Variants in SYNE2 observed in about 807,000 individuals in gnomAD.
The protein encoded by SYNE2 is nesprin-2.
SYNE2 carries 431 observed loss-of-function variants against 856.3 expected under a neutral mutation model. That is an observed-to-expected ratio of 0.50 (90% CI 0.47 to 0.55). SYNE2 has a LOEUF of 0.55. SYNE2 is among the 20% of genes least tolerant of loss of function. The pLI, the probability that SYNE2 is intolerant of heterozygous loss-of-function variation, is 0.00. For missense variants in SYNE2, 8,129 were observed against 8,023.2 expected (o/e 1.01, Z -0.50); for synonymous variants, 2,923 against 2,872.3 (o/e 1.02, Z -0.56).
intron 1 of SYNE2, among the ~76,000 whole-genome samples, chr14:63,892,186 C>A (rs771711024): frequency 1.6e-4 from 24 of 151,332 alleles, no homozygotes; most frequent in Admixed American, 2.7e-4. Flanking sequence ...TAAAAATGCT[C>A]GTGCAGTTAT....
intron 6 of SYNE2, among the ~76,000 whole-genome samples, chr14:63,946,776 C>A (rs1311185299): frequency 1.3e-5 from 2 of 151,388 alleles, no homozygotes; most frequent in African/African-American, 2.4e-5. Flanking sequence ...CTTTTTCAAT[C>A]TTTTAATGAA....
intron 1 of SYNE2, among the ~76,000 whole-genome samples, chr14:63,907,581 T>G (rs1189441814): frequency 6.6e-6 from 1 of 151,868 alleles, no homozygotes; most frequent in African/African-American, 2.4e-5. Context: ...ATTGCTATTA[T>G]CCTTTTTTTT....
chr14:64,132,573 C>A (rs2098033461), intron 77 of SYNE2, 135 bp downstream of exon 77: 2 of 1,208,902 alleles, frequency 1.7e-6, no homozygotes, highest in Non-Finnish European at 2.4e-6. Context: ...GGAATGTGGA[C>A]CCCTGCTCAG....
intron 38 of SYNE2, chr14:64,023,787 T>A (rs2096956104): frequency 4.5e-6 from 1 of 221,420 alleles, no homozygotes; most frequent in South Asian, 7.4e-5. Flanking sequence ...GCTTTGATGG[T>A]ACCATTCTTT....
intron 2 of SYNE2, 139 bp from the exon 3 acceptor site, chr14:63,940,475 G>A: frequency 1.3e-6 from 1 of 782,332 alleles, no homozygotes; most frequent in Non-Finnish European, 2.2e-6. Flanking sequence ...AACATCTACA[G>A]TTTAGACTAA....
At chr14:63,979,897 C>T (rs1223277173) in intron 14 of SYNE2, among the ~76,000 whole-genome samples, 3 of 151,580 alleles carry the variant, frequency 2.0e-5, no homozygotes, top group Admixed American at 6.6e-5. Context: ...CAGAGCAAGA[C>T]TTTGTCTTAA....
intron 1 of SYNE2, among the ~76,000 whole-genome samples, chr14:63,816,807 C>G (rs1419665908): frequency 6.6e-6 from 1 of 151,950 alleles, no homozygotes; most frequent in African/African-American, 2.4e-5. Flanking sequence ...GCCGTGAACT[C>G]CTGAGCTCAA....
chr14:64,191,594 G>A (rs2098519095), intron 99 of SYNE2, among the ~76,000 whole-genome samples: 3 of 152,214 alleles, frequency 2.0e-5, no homozygotes, highest in Non-Finnish European at 4.4e-5. Context: ...CTAGAAAGAT[G>A]GGCTGGGGCT....
chr14:64,177,595 A>G, intron 96 of SYNE2, 112 bp downstream of exon 96: 1 of 1,402,304 alleles, frequency 7.1e-7, no homozygotes, highest in Non-Finnish European at 1.0e-6. Flanking sequence ...TTTCAATCAG[A>G]AAATATTTTC....
rs1367876732 is a variant in SYNE2 at position 63,815,102 on chromosome 14, C to G, written c.-304-37399C>G. ...TATCCATATATATGCACATATATAT[C>G]CACACATATATCCATATATATCCAC... On this transcript the variant is annotated intron_variant, in intron 1 of 23. Transcript: ENST00000674003. Among the ~76,000 whole-genome samples, 9 of 87,966 alleles carry G rather than the reference C, an allele frequency of 1.0e-4. 1 individual carries two copies. The highest frequency in any genetic ancestry group is 3.8e-4 in the Admixed American group (3 of 7,802). The allele number at this position is 87,966 out of a possible 152,430, so 57.7% of individuals were successfully genotyped here.
chr14:64,164,180 G>A (rs1177290024), intron 89 of SYNE2, among the ~76,000 whole-genome samples: 2 of 151,880 alleles, frequency 1.3e-5, no homozygotes, highest in Non-Finnish European at 2.9e-5. Context: ...TGTGATCTCA[G>A]CTCACTGCAA....
intron 101 of SYNE2, chr14:64,209,171 T>G: frequency 1.2e-6 from 1 of 816,414 alleles, no homozygotes; most frequent in South Asian, 1.7e-5. Flanking sequence ...CTGGCCGCTG[T>G]GCTTCCGTTG....
At chr14:63,809,668 T>A (rs1350192284) in intron 1 of SYNE2, among the ~76,000 whole-genome samples, 1 of 152,056 alleles carries the variant, frequency 6.6e-6, no homozygotes, top group Non-Finnish European at 1.5e-5. Context: ...ATCGGCTAAT[T>A]TTTTTTATTT....
chr14:63,856,884 AC>A (rs1891907028), intron 1 of SYNE2, among the ~76,000 whole-genome samples: 1 of 151,674 alleles, frequency 6.6e-6, no homozygotes, highest in African/African-American at 2.4e-5. Context: ...TGATTCTCCC[AC>A]CCCGGCCTCC....
chr14:63,911,380 G>GTAT (rs923354534), intron 2 of SYNE2, among the ~76,000 whole-genome samples: 6 of 152,074 alleles, frequency 3.9e-5, no homozygotes, highest in African/African-American at 9.7e-5. Flanking sequence ...GCACTTGGTA[G>GTAT]TATTATTATT....
In SYNE2 at chr14:64,073,719, G is replaced by A. The variant is rs1255961; in HGVS notation, c.10698-249G>A. The stretch of plus-strand genomic sequence containing the variant: ...AGAGAGGACAGAAATGTCAGTTACA[G>A]TGTAAAGTGTGAAAAGAGAGTATTT... On this transcript the variant is annotated intron_variant, in intron 52 of 115. Transcript: ENST00000555002. 0.89 allele frequency among the ~76,000 whole-genome samples: 136,267 copies of A among 152,272 alleles called. 61,210 individuals are homozygous for A. The highest frequency in any genetic ancestry group is 0.94 in the Non-Finnish European group (64,037 of 68,032).
intron 21 of SYNE2, among the ~76,000 whole-genome samples, chr14:63,993,045 T>C (rs1049702906): frequency 6.6e-6 from 1 of 152,218 alleles, no homozygotes; most frequent in East Asian, 1.9e-4. Flanking sequence ...CAGGTTTCTG[T>C]TCCTGTAGAG....
chr14:64,209,062 G>A, intron 101 of SYNE2, 117 bp downstream of exon 101: 1 of 1,265,310 alleles, frequency 7.9e-7, no homozygotes, highest in Non-Finnish European at 1.1e-6. Context: ...GCCAGGTATT[G>A]GCAGAGAAGG....
At position 64,216,141 on chromosome 14, in the gene SYNE2, G is replaced by A; in HGVS notation, c.19403-107G>A. The A allele has an allele frequency of 3.8e-6, 6 of 1,588,072 alleles. No homozygotes were observed. The South Asian group carries it at 6.8e-5, about 18-fold the overall frequency. ...GACATTTTGCAAACATGCATGCTTT[G>A]CAAGGAAAGCTGCAGAACTCATTTT... is the stretch of plus-strand genomic sequence containing the variant. On this transcript the variant is annotated intron_variant, in intron 107 of 115. Coordinates refer to ENST00000555002, the MANE Select transcript of SYNE2 (RefSeq NM_182914.3).
Sources: gnomAD v4.1 joint callset for allele counts (sites outside exome capture counted in the v4.1 genomes callset) on GRCh38, gnomAD v4.1.1 for gene constraint, MANE v1.5 for transcripts, NCBI Gene and HGNC (gene_info 2026-07-23, HGNC 2026-07-21) for gene names.